The following ENPP3 variants were observed in gnomAD, a reference collection of about 807,000 sequenced individuals.
ENPP3 encodes the protein ectonucleotide pyrophosphatase/phosphodiesterase family member 3.
Under a neutral mutation model 117.8 loss-of-function variants are expected in ENPP3, and 104 were observed. That is an observed-to-expected ratio of 0.88 (90% CI 0.75 to 1.04). ENPP3 has a LOEUF of 1.04. ENPP3 is among the 50% of genes least tolerant of loss of function. ENPP3 has a pLI of 0.00. For synonymous variants in ENPP3, 380 were observed against 349.9 expected, an observed-to-expected ratio of 1.09 and a Z score of -0.96; for missense variants, 1,026 against 1,051.9, an observed-to-expected ratio of 0.98 and a Z score of 0.34.
chr6:131,698,190 G>A (rs1779451608), intron 15 of ENPP3, among the ~76,000 whole-genome samples: 1 of 151,930 alleles, frequency 6.6e-6, no homozygotes, highest in South Asian at 2.1e-4. Flanking sequence ...TTGTTCAAGG[G>A]GCTTATTAGA....
chr6:131,677,808 A>G (rs970111630), intron 10 of ENPP3, 60 bp from the exon 11 acceptor site: 6 of 1,125,030 alleles, frequency 5.3e-6, no homozygotes, highest in Middle Eastern at 2.0e-4. Context: ...AAATCCCCCA[A>G]TCCAGCCTGT....
chr6:131,661,588 C>G (rs186068760), intron 6 of ENPP3, among the ~76,000 whole-genome samples: 2 of 152,176 alleles, frequency 1.3e-5, no homozygotes, highest in East Asian at 3.9e-4. Flanking sequence ...CTGTGCCCAG[C>G]CTCATTTTGG....
At chr6:131,674,413 G>T in intron 8 of ENPP3, 132 bp downstream of exon 8, 1 of 835,168 alleles carries the variant, frequency 1.2e-6, no homozygotes. Context: ...GTGCAAAGGT[G>T]TTTTACCACT....
rs1347494276 is a variant in ENPP3, at chr6:131,689,332, CT to C, written c.1284+3432del. On this transcript the variant is annotated intron_variant, in intron 14 of 24. Coordinates refer to ENST00000357639, the MANE Select transcript of ENPP3 (RefSeq NM_005021.5). ...CAAAACTTCAAAGGACAGGCTGACT[CT>C]TTTTTTAGGGGCTAATGCAGCTGGT... is the stretch of plus-strand genomic sequence containing the variant. Among the ~76,000 whole-genome samples the C allele has an allele frequency of 2.6e-4, 40 of 152,222 alleles. 1 individual carries two copies. In the South Asian group the frequency reaches 6.9e-3, roughly 26 times the overall value.
chr6:131,686,004 G>T, intron 14 of ENPP3, 97 bp downstream of exon 14: 3 of 486,844 alleles, frequency 6.2e-6, no homozygotes, highest in Non-Finnish European at 1.1e-5. Context: ...CTAAATCTAA[G>T]CTACTTGGAA....
intron 15 of ENPP3, among the ~76,000 whole-genome samples, chr6:131,703,588 T>G (rs1440494413): frequency 9.6e-5 from 13 of 135,878 alleles, no homozygotes; most frequent in Non-Finnish European, 1.8e-4. Flanking sequence ...TGACCTTAAA[T>G]TATATTTGAG....
intron 5 of ENPP3, among the ~76,000 whole-genome samples, chr6:131,657,505 T>C (rs141608689): frequency 2.5e-3 from 382 of 152,332 alleles, no homozygotes; most frequent in African/African-American, 8.4e-3. Flanking sequence ...TAAGTTCTGG[T>C]TTATTCATTC....
At chr6:131,645,808 G>T (rs1778142600) in intron 2 of ENPP3, among the ~76,000 whole-genome samples, 1 of 152,006 alleles carries the variant, frequency 6.6e-6, no homozygotes. Flanking sequence ...TTTGTAGGTT[G>T]CTCATGATCT....
In ENPP3 at chr6:131,693,665, A is replaced by T. The variant is rs191540045; in HGVS notation, c.1412+41A>T. The T allele has an allele frequency of 4.4e-6, 7 of 1,583,764 alleles. No individual in the cohort carries two copies. In the African/African-American group the frequency reaches 9.4e-5, roughly 21 times the overall value. On this transcript the variant is annotated intron_variant, in intron 15 of 24. Coordinates refer to ENST00000357639, the MANE Select transcript of ENPP3 (RefSeq NM_005021.5). ...TACTTATCTCATAATGCCTTTAATAACCATTTGTCATTATAAGTCTACTTA... is the reference window on the plus strand; with the variant it reads ...TACTTATCTCATAATGCCTTTAATATCCATTTGTCATTATAAGTCTACTTA...
intron 6 of ENPP3, among the ~76,000 whole-genome samples, chr6:131,659,637 A>C (rs1778457555): frequency 6.6e-6 from 1 of 152,194 alleles, no homozygotes; most frequent in African/African-American, 2.4e-5. Flanking sequence ...CCATGGTTGT[A>C]GGAAGATAGA....
intron 3 of ENPP3, among the ~76,000 whole-genome samples, chr6:131,652,039 C>A (rs1039451762): frequency 2.6e-5 from 4 of 152,180 alleles, no homozygotes; most frequent in African/African-American, 9.7e-5. Context: ...CCTGGGAGAA[C>A]CCCTGAGGCA....
chr6:131,696,769 CTTT>C (rs71710247), intron 15 of ENPP3, among the ~76,000 whole-genome samples: 2 of 132,998 alleles, frequency 1.5e-5, no homozygotes, highest in African/African-American at 3.0e-5. Flanking sequence ...CCCAGAGCAC[CTTT>C]TTTTTTTTTT....
chr6:131,692,951 A>AT (rs1779317057), intron 14 of ENPP3, among the ~76,000 whole-genome samples: 1 of 145,860 alleles, frequency 6.9e-6, no homozygotes, highest in South Asian at 2.1e-4. Context: ...TATATATTAT[A>AT]CACTATATAT....
intron 24 of ENPP3, among the ~76,000 whole-genome samples, chr6:131,741,263 A>G (rs931490198): frequency 6.6e-6 from 1 of 152,226 alleles, no homozygotes; most frequent in African/African-American, 2.4e-5. Flanking sequence ...GTATCATGAT[A>G]GAAACTCTTT....
intron 15 of ENPP3, chr6:131,700,600 C>T: frequency 6.5e-7 from 1 of 1,549,276 alleles, no homozygotes; most frequent in Non-Finnish European, 8.6e-7. Context: ...TTCTTCTGCT[C>T]CTTGGGGTTC....
chr6:131,683,083 T>C lies in ENPP3; in HGVS notation c.1041T>C (p.His347=). The C allele has an allele frequency of 6.2e-7, 1 of 1,611,278 alleles. No individual in the cohort carries two copies. The highest frequency in any genetic ancestry group is 8.5e-7 in the Non-Finnish European group (1 of 1,177,488). ...TTAAAGCCTTACAGGTAGTAGATCA[T>C]GCTTTTGGGATGTTGATGGAAGGCC... is the stretch of plus-strand genomic sequence containing the variant. ...RVIKALQVVD[H]AFGMLMEGLK... Residue 347 remains histidine (H), a synonymous_variant, in exon 12 of 25, where the codon CAT becomes CAC. Transcript: ENST00000357639.
chr6:131,724,908 A>C (rs996685483), intron 19 of ENPP3, among the ~76,000 whole-genome samples: 1 of 151,790 alleles, frequency 6.6e-6, no homozygotes, highest in Non-Finnish European at 1.5e-5. Flanking sequence ...TTTTTCTATT[A>C]AAAGTAATGG....
At chr6:131,646,974 T>A (rs1463564664) in intron 2 of ENPP3, among the ~76,000 whole-genome samples, 1 of 144,438 alleles carries the variant, frequency 6.9e-6, no homozygotes, top group Non-Finnish European at 1.5e-5. Context: ...ACCAGCTACT[T>A]TTTTTTTTTT....
chr6:131,637,635 T>C (rs1414619746), intron 1 of ENPP3, among the ~76,000 whole-genome samples, 173 bp downstream of exon 1: 1 of 152,204 alleles, frequency 6.6e-6, no homozygotes, highest in East Asian at 1.9e-4. Flanking sequence ...AAATCATATT[T>C]TACACGTAAG....
Sources: gnomAD v4.1 joint callset for allele counts (sites outside exome capture counted in the v4.1 genomes callset) on GRCh38, gnomAD v4.1.1 for gene constraint, MANE v1.5 for transcripts, NCBI Gene and HGNC (gene_info 2026-07-23, HGNC 2026-07-21) for gene names.